Variants in PACRG observed in about 807,000 individuals in gnomAD.
PACRG encodes parkin coregulated.
PACRG carries 29 observed loss-of-function variants against 29.7 expected under a neutral mutation model. That is an observed-to-expected ratio of 0.98 (90% CI 0.73 to 1.33). PACRG has a LOEUF of 1.33. Among genes scored for constraint, PACRG ranks in the 40% most tolerant of loss-of-function variants. PACRG has a pLI of 0.00. For synonymous variants in PACRG, 116 were observed against 118.7 expected (o/e 0.98, Z 0.15); for missense variants, 279 against 316.2 (o/e 0.88, Z 0.89).
intron 2 of PACRG, among the ~76,000 whole-genome samples, chr6:162,836,829 C>T (rs1889290): frequency 0.064 from 9,797 of 152,054 alleles, 460 homozygotes; most frequent in East Asian, 0.26. Context: ...AACCATTTTT[C>T]TGTCTTCAAG....
chr6:162,778,165 C>A (rs1321916682), intron 1 of PACRG, among the ~76,000 whole-genome samples: 4 of 152,104 alleles, frequency 2.6e-5, no homozygotes, highest in African/African-American at 9.7e-5. Context: ...TGCACGGTGG[C>A]AGAGCAGCGC....
intron 4 of PACRG, among the ~76,000 whole-genome samples, chr6:163,213,673 A>T (rs916299139): frequency 8.6e-5 from 13 of 151,806 alleles, no homozygotes; most frequent in African/African-American, 2.9e-4. Flanking sequence ...TGTTTTGGTT[A>T]TTTTTTTCTC....
chr6:162,774,306 TTTAGTAGGGAAAATCAAC>T (rs1282007342), intron 1 of PACRG, among the ~76,000 whole-genome samples: 1 of 152,232 alleles, frequency 6.6e-6, no homozygotes, highest in African/African-American at 2.4e-5. Flanking sequence ...GCAGCCAGCC[TTTAGTAGGGAAAATCAAC>T]TTAGTAGGGA....
intron 4 of PACRG, among the ~76,000 whole-genome samples, chr6:163,257,579 C>G (rs1480272013): frequency 1.3e-5 from 2 of 152,156 alleles, no homozygotes; most frequent in Non-Finnish European, 2.9e-5. Flanking sequence ...TCAAATATCT[C>G]ATAGAGTTAA....
chr6:163,072,201 A>G (rs1385001985), intron 3 of PACRG, among the ~76,000 whole-genome samples: 1 of 152,156 alleles, frequency 6.6e-6, no homozygotes, highest in East Asian at 1.9e-4. Context: ...CCTCAACAAA[A>G]TACTAGCAAA....
chr6:162,880,312 C>A (rs1011942092), intron 2 of PACRG, among the ~76,000 whole-genome samples: 1 of 152,198 alleles, frequency 6.6e-6, no homozygotes, highest in African/African-American at 2.4e-5. Context: ...TGTTGCCAGG[C>A]CCCTCACTGG....
chr6:163,016,928 A>G (rs1261764885), intron 2 of PACRG, among the ~76,000 whole-genome samples: 1 of 152,150 alleles, frequency 6.6e-6, no homozygotes, highest in Non-Finnish European at 1.5e-5. Context: ...TAAAATTAGT[A>G]AGATAAGGTC....
chr6:162,835,934 G>C (rs894787232), intron 2 of PACRG, among the ~76,000 whole-genome samples: 1 of 152,036 alleles, frequency 6.6e-6, no homozygotes. Flanking sequence ...GAAAAAAGTG[G>C]TTAAAAATAC....
chr6:163,315,126 ACTGTT>A lies in PACRG; in HGVS notation c.*140_*144del. 3.1e-6 allele frequency: 3 copies of A among 972,380 alleles called. No homozygotes were observed. The highest frequency in any genetic ancestry group is 3.0e-6 in the Non-Finnish European group (2 of 661,474). The allele number at this position is 972,380 out of a possible 1,614,324, so 60.2% of individuals were successfully genotyped here. ...AAAATAGTGGCTTATGGGCCATTGG[ACTGTT>A]AGCCCTATTGAGAGCAAGGCTTTCC... On this transcript the variant is annotated 3_prime_UTR_variant, in exon 5 of 5. Transcript: ENST00000366888.
At chr6:163,281,077 G>C (rs998904350) in intron 4 of PACRG, among the ~76,000 whole-genome samples, 3 of 152,074 alleles carry the variant, frequency 2.0e-5, no homozygotes, top group South Asian at 2.1e-4. Flanking sequence ...ATCCGGAGAT[G>C]GGGGGATGCT....
chr6:163,174,641 CAG>C (rs1779258958), intron 4 of PACRG, among the ~76,000 whole-genome samples: 1 of 152,160 alleles, frequency 6.6e-6, no homozygotes, highest in Admixed American at 6.5e-5. Context: ...CAGACTCGTA[CAG>C]AGTTTGTCAA....
intron 4 of PACRG, among the ~76,000 whole-genome samples, chr6:163,282,585 G>A (rs1009924787): frequency 1.3e-5 from 2 of 151,816 alleles, no homozygotes; most frequent in African/African-American, 4.8e-5. Context: ...GGTGGTGTGC[G>A]CCTGTAATCC....
At chr6:163,261,667 C>T (rs1783331094) in intron 4 of PACRG, among the ~76,000 whole-genome samples, 2 of 152,172 alleles carry the variant, frequency 1.3e-5, no homozygotes, top group Admixed American at 1.3e-4. Flanking sequence ...GTGGATTTGG[C>T]AAAATGCAGA....
At chr6:162,898,237 G>A (rs571430650) in intron 2 of PACRG, among the ~76,000 whole-genome samples, 4 of 152,324 alleles carry the variant, frequency 2.6e-5, no homozygotes, top group Non-Finnish European at 5.9e-5. Context: ...ATGGTGCTAA[G>A]CGGAATCTCC....
chr6:162,952,495 G>A (rs9458679), intron 2 of PACRG, among the ~76,000 whole-genome samples: 4,008 of 152,266 alleles, frequency 0.026, 197 homozygotes, highest in African/African-American at 0.091. Context: ...CAGGGAGTGA[G>A]GTTCACGTCC....
intron 4 of PACRG, among the ~76,000 whole-genome samples, chr6:163,135,465 G>A (rs1393601428): frequency 2.6e-5 from 4 of 152,166 alleles, no homozygotes; most frequent in Non-Finnish European, 5.9e-5. Context: ...GGGATTCCAG[G>A]CATGAGCCAC....
At chr6:163,305,410 C>T (rs917233612) in intron 4 of PACRG, among the ~76,000 whole-genome samples, 14 of 152,208 alleles carry the variant, frequency 9.2e-5, no homozygotes, top group Non-Finnish European at 1.8e-4. Flanking sequence ...TCTCCTCGTG[C>T]CTCTGGTCCA....
intron 2 of PACRG, among the ~76,000 whole-genome samples, chr6:162,972,803 T>C (rs1279416655): frequency 6.6e-6 from 1 of 152,230 alleles, no homozygotes; most frequent in Non-Finnish European, 1.5e-5. Context: ...CACAGTGTAC[T>C]GGTCTTGTAT....
chr6:162,916,472 T>C (rs1485802826), intron 2 of PACRG, among the ~76,000 whole-genome samples: 1 of 152,216 alleles, frequency 6.6e-6, no homozygotes, highest in Non-Finnish European at 1.5e-5. Context: ...TATTTTCTGT[T>C]TTAATCTTTT....
Sources: allele counts gnomAD v4.1 joint callset (sites outside exome capture counted in the v4.1 genomes callset), GRCh38; gene constraint gnomAD v4.1.1; transcripts MANE v1.5; gene names NCBI Gene and HGNC (gene_info 2026-07-23, HGNC 2026-07-21).